Variants in VIT observed in about 807,000 individuals in gnomAD.
VIT encodes the protein vitrin.
VIT carries 99 observed loss-of-function variants against 78.0 expected under a neutral mutation model. That is an observed-to-expected ratio of 1.27 (90% CI 1.08 to 1.50). The LOEUF is 1.50. Ranked by LOEUF, VIT falls within the 40% of genes most tolerant of loss-of-function variation. VIT has a pLI of 0.00. For missense variants in VIT, 1,126 were observed against 875.3 expected, an observed-to-expected ratio of 1.29 and a Z score of -3.61; for synonymous variants, 374 against 334.3, an observed-to-expected ratio of 1.12 and a Z score of -1.29.
chr2:36,732,899 GA>G (rs1447021537), intron 3 of VIT, among the ~76,000 whole-genome samples: 1 of 152,214 alleles, frequency 6.6e-6, no homozygotes, highest in African/African-American at 2.4e-5. Flanking sequence ...AAGACGAGGA[GA>G]AAAGAGTGTA....
chr2:36,774,862 G>A, intron 8 of VIT, 140 bp from the exon 9 acceptor site: 1 of 1,467,312 alleles, frequency 6.8e-7, no homozygotes, highest in Non-Finnish European at 9.0e-7. Context: ...GCAACCCCCA[G>A]AAGTACAACC....
At chr2:36,786,480 C>A (rs1285677437) in intron 11 of VIT, among the ~76,000 whole-genome samples, 2 of 152,048 alleles carry the variant, frequency 1.3e-5, no homozygotes, top group Non-Finnish European at 2.9e-5. Flanking sequence ...CCACAGAGAT[C>A]CAGAGATCCT....
intron 4 of VIT, among the ~76,000 whole-genome samples, chr2:36,754,269 G>A (rs1572478501): frequency 1.3e-5 from 2 of 151,598 alleles, no homozygotes; most frequent in South Asian, 2.1e-4. Context: ...ATACCCAAAG[G>A]AGCCATGCAT....
intron 3 of VIT, among the ~76,000 whole-genome samples, chr2:36,735,488 G>A (rs1046950242): frequency 6.6e-6 from 1 of 152,204 alleles, no homozygotes; most frequent in Non-Finnish European, 1.5e-5. Flanking sequence ...AGCAGAGTGG[G>A]CTTGTGCAGT....
chr2:36,794,214 C>G (rs533243749), intron 12 of VIT, among the ~76,000 whole-genome samples: 1 of 152,178 alleles, frequency 6.6e-6, no homozygotes, highest in Non-Finnish European at 1.5e-5. Flanking sequence ...CCTGTCATTC[C>G]TCTTCATTAA....
rs114538427 is a variant in VIT, at chr2:36,785,926, G to A, written c.911-1203G>A. Among the ~76,000 whole-genome samples, 1,470 of 152,260 alleles carry A rather than the reference G, an allele frequency of 9.7e-3. 31 individuals carry two copies. Among genetic ancestry groups the A allele is most frequent in the African/African-American group, 0.034 (1,406 of 41,536 alleles). ...CTTTGTCAACTCATGTTCATTTATTGCTTTCATCTTTAAAACAATTTTTTA... is the reference window on the plus strand; with the variant it reads ...CTTTGTCAACTCATGTTCATTTATTACTTTCATCTTTAAAACAATTTTTTA... On this transcript the variant is annotated intron_variant, in intron 11 of 15. Transcript: ENST00000379242.
At position 36,723,331 on chromosome 2, in the gene VIT, T is replaced by A. The variant is rs188228976; in HGVS notation, c.53-6095T>A. On this transcript the variant is annotated intron_variant, in intron 2 of 15. Transcript: ENST00000379242. Reference sequence around the variant, plus strand: ...CCTCTGATTATAACTTGGGATATATTCCTAGGAGTTTGTTTTCTAGGTCAA... The same window carrying A: ...CCTCTGATTATAACTTGGGATATATACCTAGGAGTTTGTTTTCTAGGTCAA... 5.3e-5 allele frequency among the ~76,000 whole-genome samples: 8 copies of A among 152,322 alleles called. No individual in the cohort carries two copies. In the East Asian group the frequency reaches 1.4e-3, roughly 26 times the overall value.
intron 2 of VIT, among the ~76,000 whole-genome samples, chr2:36,726,199 C>T (rs1666833971): frequency 6.6e-6 from 1 of 151,934 alleles, no homozygotes; most frequent in Non-Finnish European, 1.5e-5. Context: ...GCAAAGATTA[C>T]ACTATTTATA....
chr2:36,772,059 A>G (rs553470684), intron 7 of VIT, among the ~76,000 whole-genome samples: 2 of 152,334 alleles, frequency 1.3e-5, no homozygotes, highest in South Asian at 2.1e-4. Context: ...TGCATAGTAT[A>G]TCATCTTATT....
intron 4 of VIT, among the ~76,000 whole-genome samples, chr2:36,747,675 G>A (rs371946410): frequency 1.3e-5 from 2 of 152,216 alleles, no homozygotes; most frequent in African/African-American, 2.4e-5. Context: ...CTTGAAGACA[G>A]TAGATGGCTG....
intron 12 of VIT, 72 bp from the exon 13 acceptor site, chr2:36,801,229 A>G: frequency 2.2e-6 from 3 of 1,351,508 alleles, no homozygotes; most frequent in African/African-American, 2.9e-5. Flanking sequence ...AAAAGAATCA[A>G]CCATGATCTC....
At chr2:36,728,527 A>AAATTTTTTATAAATTTAGTG (rs1666992802) in intron 2 of VIT, among the ~76,000 whole-genome samples, 1 of 97,178 alleles carries the variant, frequency 1.0e-5, no homozygotes, top group African/African-American at 3.1e-5. Context: ...TAAAGAAAAA[A>AAATTTTTTATAAATTTAGTG]TATTGGCCGG....
chr2:36,735,158 C>T (rs1290374350), intron 3 of VIT, among the ~76,000 whole-genome samples: 1 of 151,642 alleles, frequency 6.6e-6, no homozygotes, highest in African/African-American at 2.4e-5. Context: ...GAGACTCTGT[C>T]TCAAAGAAAA....
chr2:36,715,083 G>T (rs1666040841), intron 1 of VIT, among the ~76,000 whole-genome samples: 1 of 152,134 alleles, frequency 6.6e-6, no homozygotes, highest in South Asian at 2.1e-4. Flanking sequence ...AGTTGACCCA[G>T]TTGCTACCAT....
At chr2:36,749,933 C>G (rs556753312) in intron 4 of VIT, among the ~76,000 whole-genome samples, 10 of 152,256 alleles carry the variant, frequency 6.6e-5, no homozygotes, top group Non-Finnish European at 1.5e-4. Context: ...AAGACAAAAA[C>G]TATGCATAAA....
At chr2:36,735,542 T>G (rs555095706) in intron 3 of VIT, among the ~76,000 whole-genome samples, 1 of 152,338 alleles carries the variant, frequency 6.6e-6, no homozygotes, top group South Asian at 2.1e-4. Context: ...AGTGTCCAAG[T>G]CCATGTTATC....
chr2:36,806,850 A>G (rs1340831444), intron 14 of VIT, among the ~76,000 whole-genome samples: 1 of 152,158 alleles, frequency 6.6e-6, no homozygotes, highest in African/African-American at 2.4e-5. Flanking sequence ...GGCGTGGGCC[A>G]CTGCGCCCGG....
chr2:36,755,955 A>ATTTTTTTTTTT (rs58344336), intron 5 of VIT, among the ~76,000 whole-genome samples: 14 of 108,602 alleles, frequency 1.3e-4, no homozygotes, highest in East Asian at 2.7e-4. Context: ...ACAACACAGT[A>ATTTTTTTTTTT]TTTTTTTTTT....
chr2:36,764,631 C>T (rs1572498140), intron 6 of VIT, among the ~76,000 whole-genome samples: 1 of 152,204 alleles, frequency 6.6e-6, no homozygotes, highest in Admixed American at 6.5e-5. Context: ...CGGTTTCCTA[C>T]CTTGACCAGC....
Sources: allele counts gnomAD v4.1 joint callset (sites outside exome capture counted in the v4.1 genomes callset), GRCh38; gene constraint gnomAD v4.1.1; transcripts MANE v1.5; gene names NCBI Gene and HGNC (gene_info 2026-07-23, HGNC 2026-07-21).